The following PPP6R3 variants were observed in gnomAD, a reference collection of about 807,000 sequenced individuals.
The protein encoded by PPP6R3 is protein phosphatase 6 regulatory subunit 3, also known as serine/threonine-protein phosphatase 6 regulatory subunit 3.
In PPP6R3, 38 loss-of-function variants were observed where a neutral mutation model predicts 110.7. The ratio of observed to expected loss-of-function variants is 0.34; its 90% CI spans 0.26 to 0.45. The LOEUF (loss-of-function observed/expected upper bound fraction) is 0.45. PPP6R3 is among the 20% of genes least tolerant of loss of function. The pLI is 1.00. For missense variants in PPP6R3, 870 were observed against 1,062.4 expected, an observed-to-expected ratio of 0.82 and a Z score of 2.52; for synonymous variants, 369 against 373.5, an observed-to-expected ratio of 0.99 and a Z score of 0.14.
intron 2 of PPP6R3, among the ~76,000 whole-genome samples, chr11:68,523,790 T>G (rs1227471076): frequency 6.7e-6 from 1 of 150,204 alleles, no homozygotes; most frequent in Non-Finnish European, 1.5e-5. Flanking sequence ...TTCTTTTATT[T>G]GAATATTGGA....
intron 1 of PPP6R3, among the ~76,000 whole-genome samples, chr11:68,502,841 A>G (rs1475816877): frequency 6.6e-6 from 1 of 152,196 alleles, no homozygotes; most frequent in Non-Finnish European, 1.5e-5. Flanking sequence ...GAGATAACCA[A>G]AGGGAAATGT....
chr11:68,478,652 T>TTTTTTTTTG, intron 1 of PPP6R3, among the ~76,000 whole-genome samples: 1 of 108,296 alleles, frequency 9.2e-6, no homozygotes, highest in South Asian at 3.8e-4. Flanking sequence ...GGTAAGTTTT[T>TTTTTTTTTG]TTTTTTTTTT....
At chr11:68,567,917 A>AT (rs2099485180) in intron 10 of PPP6R3, among the ~76,000 whole-genome samples, 1 of 151,964 alleles carries the variant, frequency 6.6e-6, no homozygotes, top group Non-Finnish European at 1.5e-5. Flanking sequence ...ATCCTGGGTG[A>AT]TCTCCAGGAC....
At chr11:68,527,448 C>T (rs982394853) in intron 2 of PPP6R3, among the ~76,000 whole-genome samples, 2 of 152,152 alleles carry the variant, frequency 1.3e-5, no homozygotes, top group Non-Finnish European at 2.9e-5. Flanking sequence ...ACCTTCATCC[C>T]CTTCTTTCCT....
intron 1 of PPP6R3, among the ~76,000 whole-genome samples, chr11:68,472,607 A>G (rs569113396): frequency 6.0e-5 from 9 of 150,840 alleles, no homozygotes; most frequent in Admixed American, 4.6e-4. Context: ...ATGTAAACTT[A>G]TATCTCGGGG....
At chr11:68,574,724 G>A (rs1434719844) in intron 13 of PPP6R3, among the ~76,000 whole-genome samples, 3 of 152,178 alleles carry the variant, frequency 2.0e-5, no homozygotes, top group Non-Finnish European at 4.4e-5. Context: ...TTTCTGTATA[G>A]CATTTCAGTT....
chr11:68,515,040 A>C (rs1435238099), intron 1 of PPP6R3: 4 of 152,192 alleles, frequency 2.6e-5, no homozygotes, highest in Non-Finnish European at 5.9e-5. Flanking sequence ...TCAGAAGGAA[A>C]GAAAACATCT....
chr11:68,468,922 T>A (rs2098768882), intron 1 of PPP6R3, among the ~76,000 whole-genome samples: 1 of 152,194 alleles, frequency 6.6e-6, no homozygotes, highest in African/African-American at 2.4e-5. Context: ...GTCTCACATT[T>A]TATATAGAAT....
chr11:68,540,744 G>A (rs1487250048), intron 3 of PPP6R3, among the ~76,000 whole-genome samples: 1 of 152,160 alleles, frequency 6.6e-6, no homozygotes. Context: ...TCTCAGGGAT[G>A]TTCCATGCTG....
At chr11:68,507,855 A>C (rs145974044) in intron 1 of PPP6R3, among the ~76,000 whole-genome samples, 1 of 152,170 alleles carries the variant, frequency 6.6e-6, no homozygotes, top group Non-Finnish European at 1.5e-5. Flanking sequence ...ATGTTATGCA[A>C]TAGCTATGAT....
chr11:68,611,782 G>A (rs1431268652), intron 23 of PPP6R3, among the ~76,000 whole-genome samples: 3 of 152,206 alleles, frequency 2.0e-5, no homozygotes, highest in African/African-American at 7.2e-5. Flanking sequence ...GACCTAGAGT[G>A]CGTCCTAGAT....
chr11:68,566,085 G>A (rs1427893915), intron 9 of PPP6R3, among the ~76,000 whole-genome samples: 2 of 152,196 alleles, frequency 1.3e-5, no homozygotes, highest in African/African-American at 4.8e-5. Flanking sequence ...AGAAACTCCT[G>A]TTGATGGACA....
intron 1 of PPP6R3, among the ~76,000 whole-genome samples, chr11:68,504,968 CA>C (rs1356514744): frequency 6.6e-6 from 1 of 152,134 alleles, no homozygotes; most frequent in Non-Finnish European, 1.5e-5. Flanking sequence ...GGTCTGGTTT[CA>C]ATTTACTTCA....
chr11:68,540,979 G>A (rs2099312228), intron 3 of PPP6R3, among the ~76,000 whole-genome samples: 1 of 152,126 alleles, frequency 6.6e-6, no homozygotes, highest in African/African-American at 2.4e-5. Flanking sequence ...GTCCTGAAGT[G>A]ACATACATCC....
At chr11:68,496,503 T>C (rs1054345956) in intron 1 of PPP6R3, among the ~76,000 whole-genome samples, 6 of 151,330 alleles carry the variant, frequency 4.0e-5, no homozygotes, top group Non-Finnish European at 8.9e-5. Context: ...GAGACAGTCT[T>C]ACTCTGTCAC....
At chr11:68,576,418 C>G (rs563409904) in intron 14 of PPP6R3, among the ~76,000 whole-genome samples, 1 of 152,284 alleles carries the variant, frequency 6.6e-6, no homozygotes, top group African/African-American at 2.4e-5. Context: ...GCGAAAGATT[C>G]AGTTGGATAT....
In PPP6R3 at chr11:68,554,216, G is replaced by C. The variant is rs746071014; in HGVS notation, c.690G>C (p.Gln230His). ...GCAGAGACCAGATGTTACAAATTCA[G>C]AACAGTACAGAGCCCGACCCCCTGC... The part of the protein sequence containing the change: ...RLSRDQMLQI[Q>H]NSTEPDPLLA... Residue 230 changes from glutamine (Q) to histidine (H), a missense_variant, in exon 7 of 24, where the codon CAG (glutamine) becomes CAC (histidine). Physicochemically the swap from Gln to His is conservative, Grantham distance 24. Transcript: ENST00000393800. 1 of 1,613,864 alleles carries C rather than the reference G, an allele frequency of 6.2e-7. No homozygotes were observed. The highest frequency in any genetic ancestry group is 8.5e-7 in the Non-Finnish European group (1 of 1,179,900).
Position 68,569,831 on chromosome 11 carries a change from T to C in PPP6R3, c.1212T>C (p.Phe404=), listed in dbSNP as rs758149235. The change falls in exon 11 of 24, where the codon TTT becomes TTC. Residue 404 remains phenylalanine, a synonymous_variant. Transcript: ENST00000393800. ...TTGCACTGATTCTTGCAAGTCCTTT[T>C]GAAAACACAGAAAATGCCACAATTA... ...ICIALILASP[F]ENTENATITD... The C allele has an allele frequency of 1.2e-6, 2 of 1,612,256 alleles. No individual in the cohort carries two copies. Among genetic ancestry groups the C allele is most frequent in the East Asian group, 2.2e-5 (1 of 44,798 alleles).
intron 2 of PPP6R3, among the ~76,000 whole-genome samples, chr11:68,533,502 G>A (rs61659656): frequency 0.011 from 1,619 of 151,954 alleles, 37 homozygotes; most frequent in African/African-American, 0.037. Flanking sequence ...GCTTGAGTTT[G>A]AGACCATCCT....
Sources: gnomAD v4.1 joint callset for allele counts (sites outside exome capture counted in the v4.1 genomes callset) on GRCh38, gnomAD v4.1.1 for gene constraint, MANE v1.5 for transcripts, NCBI Gene and HGNC (gene_info 2026-07-23, HGNC 2026-07-21) for gene names.